The following DDHD2 variants were observed in gnomAD, a reference collection of about 807,000 sequenced individuals.
The protein encoded by DDHD2 is triacylglycerol hydrolase DDHD2.
In DDHD2, 62 loss-of-function variants were observed where a neutral mutation model predicts 91.2. The observed-to-expected ratio is 0.68, with a 90% confidence interval of 0.55 to 0.84. The LOEUF (loss-of-function observed/expected upper bound fraction) is 0.84. DDHD2 is among the 40% of genes least tolerant of loss of function. The pLI, the probability that DDHD2 is intolerant of heterozygous loss-of-function variation, is 0.00. For missense variants in DDHD2, 740 were observed against 846.9 expected (o/e 0.87, Z 1.57); for synonymous variants, 271 against 293.9 (o/e 0.92, Z 0.80).
At chr8:38,256,603 A>G (rs1806530939) in intron 16 of DDHD2, among the ~76,000 whole-genome samples, 1 of 152,200 alleles carries the variant, frequency 6.6e-6, no homozygotes, top group Non-Finnish European at 1.5e-5. Context: ...TATTATAGAC[A>G]TGATCAATGT....
chr8:38,234,584 G>A lies in DDHD2; in HGVS notation c.411G>A (p.Glu137=). The A allele has an allele frequency of 6.3e-7, 1 of 1,589,798 alleles. No homozygotes were observed. Among genetic ancestry groups the A allele is most frequent in the Non-Finnish European group, 8.5e-7 (1 of 1,172,780 alleles). ...PYSESFSQVL[E]ETYMLAVTLD... is the part of the protein sequence containing the mutation. The stretch of plus-strand genomic sequence containing the variant: ...CGGAGAGCTTCAGCCAAGTTTTAGA[G>A]GTATTCTTTTGACTCTTTTTTTACT... The change falls in exon 3 of 18, where the codon GAG becomes GAA. Residue 137 remains glutamate, a splice_region_variant and synonymous_variant. Coordinates refer to ENST00000397166, the MANE Select transcript of DDHD2 (RefSeq NM_015214.3).
At chr8:38,255,553 T>C (rs1806450557) in intron 16 of DDHD2, among the ~76,000 whole-genome samples, 4 of 152,232 alleles carry the variant, frequency 2.6e-5, no homozygotes, top group Admixed American at 2.6e-4. Context: ...ATTTTATGCC[T>C]CCATAATAAA....
At chr8:38,269,250 GA>G in intron 1 of DDHD2, 1 of 1,399,240 alleles carries the variant, frequency 7.1e-7, no homozygotes, top group Non-Finnish European at 9.2e-7. Context: ...CCTCCGCGGG[GA>G]GGGCCGGGCC....
chr8:38,245,156 G>A (rs1213120300), intron 7 of DDHD2, among the ~76,000 whole-genome samples: 5 of 151,826 alleles, frequency 3.3e-5, no homozygotes, highest in Middle Eastern at 3.2e-3. Context: ...CTTGGGCTGG[G>A]CATGGTGGCT....
At chr8:38,249,971 C>T (rs1008428377) in intron 11 of DDHD2, 168 bp downstream of exon 11, 6 of 398,310 alleles carry the variant, frequency 1.5e-5, no homozygotes, top group East Asian at 4.4e-5. Context: ...GGCTGGAGTG[C>T]AGTGGTGTGA....
Position 38,238,224 on chromosome 8 carries a change from T to TG in DDHD2, c.622+15_622+16insG. 6.2e-7 allele frequency: 1 copy of TG among 1,613,308 alleles called. No individual in the cohort carries two copies. The highest frequency in any genetic ancestry group is 8.5e-7 in the Non-Finnish European group (1 of 1,179,502). On this transcript the variant is annotated intron_variant, in intron 5 of 17. Transcript: ENST00000397166. ...CATTCATTGTGGTAATGTTAATCGTTTATTTTTTCTTACCTTTGGATGTAT... is the reference window on the plus strand; with the variant it reads ...CATTCATTGTGGTAATGTTAATCGTTGTATTTTTTCTTACCTTTGGATGTAT...
downstream of DDHD2, chr8:38,267,099 C>T: frequency 6.8e-7 from 1 of 1,466,470 alleles, no homozygotes; most frequent in Non-Finnish European, 9.0e-7. Flanking sequence ...AATATTTACC[C>T]AAATAGTCAA....
Position 38,247,828 on chromosome 8 carries a change from A to T in DDHD2, c.1241A>T (p.Glu414Val). ...DIFEKEKVDK[E>V]ALALCTDRDL... Reference sequence around the variant, plus strand: ...TTTGAGAAGGAGAAAGTAGATAAGGAAGCTCTGGTAAAAATAATCTTTTAA... The same window carrying T: ...TTTGAGAAGGAGAAAGTAGATAAGGTAGCTCTGGTAAAAATAATCTTTTAA... The change falls in exon 10 of 18, where the codon GAA becomes GTA. Residue 414 changes from glutamate (E) to valine (V), a missense_variant. Glu to Val is a moderately radical substitution (Grantham distance 121). Coordinates refer to ENST00000397166, the MANE Select transcript of DDHD2 (RefSeq NM_015214.3). The T allele has an allele frequency of 6.4e-7, 1 of 1,559,618 alleles. No individual in the cohort carries two copies. The highest frequency in any genetic ancestry group is 1.2e-5 in the South Asian group (1 of 82,328).
chr8:38,235,873 G>GCACACACA (rs36055483), intron 3 of DDHD2, among the ~76,000 whole-genome samples: 25,058 of 147,552 alleles, frequency 0.17, 2,357 homozygotes, highest in East Asian at 0.25. Context: ...AAGTACACGC[G>GCACACACA]CACACACACA....
At chr8:38,256,383 G>A (rs1259247792) in intron 16 of DDHD2, among the ~76,000 whole-genome samples, 1 of 151,942 alleles carries the variant, frequency 6.6e-6, no homozygotes, top group Admixed American at 6.6e-5. Context: ...GCTCACTGTT[G>A]CCTAGATCTC....
At chr8:38,246,567 C>T (rs907023878) in intron 9 of DDHD2, among the ~76,000 whole-genome samples, 26 of 152,180 alleles carry the variant, frequency 1.7e-4, no homozygotes, top group African/African-American at 5.8e-4. Flanking sequence ...ACTGGCTGGG[C>T]GCGGTGGCTC....
chr8:38,263,297 C>A, downstream of DDHD2: 1 of 741,170 alleles, frequency 1.3e-6, no homozygotes, highest in Non-Finnish European at 1.6e-6. Flanking sequence ...TCCTTATATT[C>A]CATTGTGAAG....
intron 7 of DDHD2, among the ~76,000 whole-genome samples, chr8:38,243,366 CTT>C (rs1206186275): frequency 6.6e-6 from 1 of 152,158 alleles, no homozygotes; most frequent in Non-Finnish European, 1.5e-5. Flanking sequence ...GAGCTGATCT[CTT>C]TATCGTTTGA....
chr8:38,269,179 C>T lies in DDHD2; in HGVS notation n.88-1943C>T, dbSNP rs765375665. On this transcript the variant is annotated intron_variant and non_coding_transcript_variant, in intron 1 of 1. Transcript: ENST00000526071. ...CGCCCACTTCGGCCCCAAAGGCCAC[C>T]GCCGCCGCCGCCTTCCCCATCCGGC... 5.3e-6 allele frequency: 8 copies of T among 1,500,142 alleles called. No homozygotes were observed. The South Asian group carries it at 7.4e-5, about 14-fold the overall frequency. 92.9% of individuals were successfully genotyped at this position (1,500,142 alleles called of 1,614,324 possible).
At chr8:38,263,987 T>C (rs1379462320), downstream of DDHD2, 25 of 985,756 alleles carry the variant, frequency 2.5e-5, no homozygotes, top group African/African-American at 1.0e-4. Flanking sequence ...CTCCTCAAGA[T>C]AGATGAGCAG....
intron 3 of DDHD2, among the ~76,000 whole-genome samples, chr8:38,235,615 G>T (rs1804656348): frequency 6.6e-6 from 1 of 151,690 alleles, no homozygotes; most frequent in South Asian, 2.1e-4. Flanking sequence ...CAGCTACTTG[G>T]GAGGCTGAGG....
At chr8:38,239,661 T>C (rs1805087600) in intron 5 of DDHD2, among the ~76,000 whole-genome samples, 1 of 129,356 alleles carries the variant, frequency 7.7e-6, no homozygotes, top group East Asian at 2.5e-4. Flanking sequence ...CACTCCAGCC[T>C]GGGTGACAGA....
At chr8:38,265,148 C>T (rs1807391187), downstream of DDHD2, 1 of 529,548 alleles carries the variant, frequency 1.9e-6, no homozygotes, top group Admixed American at 3.4e-5. Flanking sequence ...TGCCTGTAAT[C>T]CCAGATACTC....
intron 6 of DDHD2, among the ~76,000 whole-genome samples, chr8:38,240,584 G>T (rs1180064747): frequency 6.6e-6 from 1 of 152,168 alleles, no homozygotes; most frequent in Non-Finnish European, 1.5e-5. Flanking sequence ...AAATGAACAA[G>T]CAGTTAATCC....
Sources: allele counts gnomAD v4.1 joint callset (sites outside exome capture counted in the v4.1 genomes callset), GRCh38; gene constraint gnomAD v4.1.1; transcripts MANE v1.5; gene names NCBI Gene and HGNC (gene_info 2026-07-23, HGNC 2026-07-21).